The following ECPAS variants were observed in gnomAD, a reference collection of about 807,000 sequenced individuals.
ECPAS encodes the protein proteasome adapter and scaffold protein ECM29.
In ECPAS, 70 loss-of-function variants were observed where a neutral mutation model predicts 255.1. The ratio of observed to expected loss-of-function variants is 0.27; its 90% CI spans 0.23 to 0.33. The LOEUF (loss-of-function observed/expected upper bound fraction) is 0.33. Ranked by LOEUF, ECPAS falls within the 10% of genes least tolerant of loss-of-function variation. The pLI is 1.00. For missense variants in ECPAS, 1,817 were observed against 2,206.4 expected (o/e 0.82, Z 3.54); for synonymous variants, 784 against 775.0 (o/e 1.01, Z -0.19).
At position 111,425,649 on chromosome 9, in the gene ECPAS, T is replaced by C. The variant is rs1188714077; in HGVS notation, c.1136+94A>G. On this transcript the variant is annotated intron_variant, in intron 11 of 49. Transcript: ENST00000684092. ...TTTTTAAAGATGAGCAAACATGTTT[T>C]CTTTCTAGGTAAGATGAGTAAAACG... The C allele has an allele frequency of 3.1e-6, 3 of 982,548 alleles. No homozygotes were observed. In the Admixed American group the frequency reaches 7.6e-5, roughly 25 times the overall value. 60.9% of individuals were successfully genotyped at this position (982,548 alleles called of 1,614,324 possible).
intron 2 of ECPAS, among the ~76,000 whole-genome samples, chr9:111,469,971 T>C (rs1351298442): frequency 6.6e-6 from 1 of 151,986 alleles, no homozygotes; most frequent in African/African-American, 2.4e-5. Flanking sequence ...AAAACATAAA[T>C]ATAAGTTGGG....
intron 34 of ECPAS, 130 bp from the exon 35 acceptor site, chr9:111,383,462 A>G: frequency 8.2e-7 from 1 of 1,222,058 alleles, no homozygotes; most frequent in Non-Finnish European, 1.1e-6. Flanking sequence ...CTGACACTAC[A>G]GAGACACAGA....
chr9:111,480,045 T>C (rs1564573773), intron 1 of ECPAS, among the ~76,000 whole-genome samples: 1 of 151,994 alleles, frequency 6.6e-6, no homozygotes, highest in Non-Finnish European at 1.5e-5. Context: ...ATGACAAAGT[T>C]TGCTATAATA....
intron 13 of ECPAS, among the ~76,000 whole-genome samples, chr9:111,422,669 G>GC (rs1305942486): frequency 6.6e-6 from 1 of 152,154 alleles, no homozygotes; most frequent in Non-Finnish European, 1.5e-5. Flanking sequence ...CCTGCACTGG[G>GC]CGTGGAAGCA....
chr9:111,431,054 CA>C lies in ECPAS; in HGVS notation c.849-427del, dbSNP rs1284759610. Among the ~76,000 whole-genome samples, 21 of 152,174 alleles carry C rather than the reference CA, an allele frequency of 1.4e-4. No homozygotes were observed. In the South Asian group the frequency reaches 4.4e-3, roughly 32 times the overall value. On this transcript the variant is annotated intron_variant, in intron 8 of 49. Transcript: ENST00000684092. ...AGTTCAAAAGTGATAAGGAAAGTGA[CA>C]AAAAAATTTTTACCCATGAAATTAA... is the stretch of plus-strand genomic sequence containing the variant.
chr9:111,439,777 G>A (rs2098243253), intron 6 of ECPAS, among the ~76,000 whole-genome samples: 1 of 152,074 alleles, frequency 6.6e-6, no homozygotes, highest in Non-Finnish European at 1.5e-5. Context: ...TGCAAATCGG[G>A]AAAAGCATAG....
chr9:111,451,458 T>C lies in ECPAS; in HGVS notation c.120A>G (p.Lys40=). The C allele has an allele frequency of 6.3e-7, 1 of 1,574,812 alleles. No homozygotes were observed. Among genetic ancestry groups the C allele is most frequent in the Non-Finnish European group, 8.6e-7 (1 of 1,159,190 alleles). Residue 40 remains lysine (K), a synonymous_variant, in exon 3 of 50, where the codon AAA becomes AAG. Transcript: ENST00000684092. The part of the protein sequence containing the change: ...ISKFLPPVLL[K]LSSTQEGVRK... ...GTACTCCTTCTTGGGTGCTAGAGAG[T>C]TTGAGCAAAACAGGAGGAAGGAATT...
chr9:111,410,352 C>A, intron 22 of ECPAS, 139 bp from the exon 23 acceptor site: 1 of 630,652 alleles, frequency 1.6e-6, no homozygotes, highest in Non-Finnish European at 2.6e-6. Flanking sequence ...GACAATTTGC[C>A]AACATTTATT....
At chr9:111,483,662 T>A (rs1261407337) in intron 1 of ECPAS, 1 of 186,610 alleles carries the variant, frequency 5.4e-6, no homozygotes, top group Non-Finnish European at 9.7e-6. Flanking sequence ...CGGACCGCGC[T>A]GTGCCCCGAG....
intron 15 of ECPAS, 60 bp downstream of exon 15, chr9:111,421,861 T>G: frequency 2.5e-6 from 4 of 1,572,836 alleles, no homozygotes; most frequent in Non-Finnish European, 2.6e-6. Context: ...GCAATTCAAA[T>G]TTTGTTCTTA....
At chr9:111,408,417 G>A (rs1455957217) in intron 24 of ECPAS, among the ~76,000 whole-genome samples, 154 bp downstream of exon 24, 1 of 151,712 alleles carries the variant, frequency 6.6e-6, no homozygotes, top group Non-Finnish European at 1.5e-5. Flanking sequence ...ACCTAGCACA[G>A]TGATGAGCAC....
At chr9:111,481,134 G>A (rs562496713) in intron 1 of ECPAS, among the ~76,000 whole-genome samples, 1 of 152,306 alleles carries the variant, frequency 6.6e-6, no homozygotes, top group African/African-American at 2.4e-5. Context: ...GTGTCGGCCA[G>A]GATATAGAGA....
chr9:111,372,549 T>C lies in ECPAS; in HGVS notation c.4408A>G (p.Asn1470Asp), dbSNP rs1333479018. The C allele has an allele frequency of 6.2e-7, 1 of 1,613,858 alleles. No homozygotes were observed. The highest frequency in any genetic ancestry group is 8.5e-7 in the Non-Finnish European group (1 of 1,179,794). The part of the protein sequence containing the change: ...IGRYSPDVLK[N>D]HAKEVLPLAF... ...AGAGGCAGGACTTCTTTTGCATGATTCTTTAATACATCAGGGCTGTATCGT... is the reference window on the plus strand; with the variant it reads ...AGAGGCAGGACTTCTTTTGCATGATCCTTTAATACATCAGGGCTGTATCGT... The change falls in exon 42 of 50, where the codon AAT (asparagine) becomes GAT (aspartate). Residue 1470 changes from asparagine to aspartate, a missense_variant. By Grantham distance (23) the Asn-to-Asp change is conservative. Coordinates refer to ENST00000684092, the MANE Select transcript of ECPAS (RefSeq NM_001364929.1).
chr9:111,393,758 G>T (rs1564514386), intron 26 of ECPAS, 24 bp from the exon 27 acceptor site: 1 of 1,492,774 alleles, frequency 6.7e-7, no homozygotes. Flanking sequence ...AAAGGCATTA[G>T]AACACTGAAA....
chr9:111,454,041 G>A lies in ECPAS; in HGVS notation c.23-2486C>T, dbSNP rs150325766. Among the ~76,000 whole-genome samples the A allele has an allele frequency of 4.4e-3, 664 of 152,258 alleles. 8 individuals are homozygous for A. The highest frequency in any genetic ancestry group is 0.015 in the African/African-American group (641 of 41,550). On this transcript the variant is annotated intron_variant, in intron 2 of 49. Coordinates refer to ENST00000684092, the MANE Select transcript of ECPAS (RefSeq NM_001364929.1). ...GGGAGGAAAGAAAGGCTCAATCTGA[G>A]ACTACCAGTGATTCTATTTGATAAA... is the stretch of plus-strand genomic sequence containing the variant.
chr9:111,370,245 G>C (rs185793603), intron 45 of ECPAS, among the ~76,000 whole-genome samples, 190 bp downstream of exon 45: 2 of 152,302 alleles, frequency 1.3e-5, no homozygotes, highest in African/African-American at 4.8e-5. Context: ...CGGAATACCT[G>C]AACACTTTGT....
chr9:111,393,805 C>A, intron 26 of ECPAS, 71 bp from the exon 27 acceptor site: 4 of 1,097,102 alleles, frequency 3.6e-6, no homozygotes. Flanking sequence ...CTTGCTCTCA[C>A]CGTGTACAAA....
At position 111,385,317 on chromosome 9, in the gene ECPAS, C is replaced by T. The variant is rs2098146448; in HGVS notation, c.3633+20G>A. 3 of 1,121,192 alleles carry T rather than the reference C, an allele frequency of 2.7e-6. No homozygotes were observed. Among genetic ancestry groups the T allele is most frequent in the Non-Finnish European group, 3.9e-6 (3 of 777,426 alleles). 69.5% of individuals were successfully genotyped at this position (1,121,192 alleles called of 1,614,324 possible). A position where few individuals can be genotyped will look rare whatever the true frequency, so the allele number is the denominator to read the frequency against. On this transcript the variant is annotated intron_variant, in intron 33 of 49. Coordinates refer to ENST00000684092, the MANE Select transcript of ECPAS (RefSeq NM_001364929.1). Reference sequence around the variant, plus strand: ...ATTTAACTTTTTGTATATATAAATGCTGATTTATTTCTATAATACCTTGAT... The same window carrying T: ...ATTTAACTTTTTGTATATATAAATGTTGATTTATTTCTATAATACCTTGAT...
At position 111,482,207 on chromosome 9, in the gene ECPAS, TTC is replaced by T. The variant is rs1021769395; in HGVS notation, c.-83+1907_-83+1908del. Among the ~76,000 whole-genome samples, 29 of 152,290 alleles carry T rather than the reference TTC, an allele frequency of 1.9e-4. 1 individual carries two copies. In the Middle Eastern group the frequency reaches 0.014, roughly 71 times the overall value. On this transcript the variant is annotated intron_variant, in intron 1 of 49. Coordinates refer to ENST00000684092, the MANE Select transcript of ECPAS (RefSeq NM_001364929.1). ...GACAGAAGAGCAATCTGTAGCCCGC[TTC>T]TCTCTCTAATCGCACCATGAGACCT... is the stretch of plus-strand genomic sequence containing the variant.
Sources: allele counts gnomAD v4.1 joint callset (sites outside exome capture counted in the v4.1 genomes callset), GRCh38; gene constraint gnomAD v4.1.1; transcripts MANE v1.5; gene names NCBI Gene and HGNC (gene_info 2026-07-23, HGNC 2026-07-21).